MDGA2: variants seen among roughly 807,000 people sequenced by gnomAD.
MDGA2 encodes the protein MAM domain containing glycosylphosphatidylinositol anchor 2.
MDGA2 carries 40 observed loss-of-function variants against 117.8 expected under a neutral mutation model. That is an observed-to-expected ratio of 0.34 (90% CI 0.26 to 0.44). MDGA2 has a LOEUF of 0.44. Ranked by LOEUF, MDGA2 falls within the 20% of genes least tolerant of loss-of-function variation. MDGA2 has a pLI of 1.00. For missense variants in MDGA2, 1,123 were observed against 1,250.6 expected (o/e 0.90, Z 1.54); for synonymous variants, 452 against 439.0 (o/e 1.03, Z -0.37).
chr14:47,228,110 C>T (rs972218300), intron 2 of MDGA2, among the ~76,000 whole-genome samples: 3 of 151,990 alleles, frequency 2.0e-5, no homozygotes, highest in Non-Finnish European at 4.4e-5. Context: ...TTACAGTCCA[C>T]CTTGATGAAA....
In MDGA2 at chr14:47,301,480, C is replaced by G; in HGVS notation, c.351G>C (p.Arg117Ser). The G allele has an allele frequency of 6.4e-7, 1 of 1,551,710 alleles. No homozygotes were observed. The highest frequency in any genetic ancestry group is 8.7e-7 in the Non-Finnish European group (1 of 1,146,992). The change falls in exon 2 of 17, where the codon AGG (arginine) becomes AGC (serine). Residue 117 changes from arginine to serine, a missense_variant. Physicochemically the swap from Arg to Ser is moderately radical, Grantham distance 110 (BLOSUM62 -1). Coordinates refer to ENST00000399232, the MANE Select transcript of MDGA2 (RefSeq NM_001113498.3). ...CNIEEERYSERVYTIREGETL... is the reference protein window; with the variant it reads ...CNIEEERYSESVYTIREGETL... Reference sequence around the variant, plus strand: ...TTTCTCCTTCCCGGATAGTGTAGACCCTTTCGGAGTAGCGCTCCTCTTCAA... The same window carrying G: ...TTTCTCCTTCCCGGATAGTGTAGACGCTTTCGGAGTAGCGCTCCTCTTCAA...
chr14:46,871,488 A>C (rs548824166), intron 14 of MDGA2: 1 of 152,166 alleles, frequency 6.6e-6, no homozygotes, highest in East Asian at 1.9e-4. Context: ...CAGGATAATG[A>C]TTTTAATAAG....
chr14:47,671,713 T>G (rs1317133745), intron 1 of MDGA2, among the ~76,000 whole-genome samples: 4 of 152,220 alleles, frequency 2.6e-5, no homozygotes. Context: ...GAAGTTTCTG[T>G]TTATAATAAC....
At chr14:47,400,275 C>G (rs2138458315) in intron 1 of MDGA2, among the ~76,000 whole-genome samples, 1 of 152,230 alleles carries the variant, frequency 6.6e-6, no homozygotes, top group South Asian at 2.1e-4. Context: ...TTTGAATTCT[C>G]TCTCAAACTC....
chr14:47,370,975 A>C (rs1055728015), intron 1 of MDGA2, among the ~76,000 whole-genome samples: 12 of 151,868 alleles, frequency 7.9e-5, no homozygotes, highest in Non-Finnish European at 1.8e-4. Flanking sequence ...TTCTACACCT[A>C]GTTGATAGCA....
chr14:47,123,359 G>A (rs2139113629), intron 5 of MDGA2, among the ~76,000 whole-genome samples: 1 of 152,038 alleles, frequency 6.6e-6, no homozygotes, highest in East Asian at 1.9e-4. Flanking sequence ...TTATTGCTCT[G>A]GATACTGCCT....
intron 2 of MDGA2, among the ~76,000 whole-genome samples, chr14:47,233,983 T>A (rs1313488300): frequency 6.6e-6 from 1 of 152,160 alleles, no homozygotes; most frequent in Non-Finnish European, 1.5e-5. Flanking sequence ...CCTCCTGAAC[T>A]ATTGAGGGTA....
chr14:47,303,255 A>G (rs1266892683), intron 1 of MDGA2, among the ~76,000 whole-genome samples: 1 of 152,144 alleles, frequency 6.6e-6, no homozygotes, highest in Non-Finnish European at 1.5e-5. Context: ...AAAATACTCC[A>G]AGGAATAAAA....
At chr14:46,858,315 ACTT>A (rs1881355975) in intron 14 of MDGA2, among the ~76,000 whole-genome samples, 1 of 150,956 alleles carries the variant, frequency 6.6e-6, no homozygotes, top group Non-Finnish European at 1.5e-5. Context: ...TCTCTGCTGA[ACTT>A]CTTTATCCAT....
rs751098145 is a variant in MDGA2, at chr14:47,510,282, C to A, written c.280+164235G>T. Among the ~76,000 whole-genome samples, 41 of 152,158 alleles carry A rather than the reference C, an allele frequency of 2.7e-4. 1 individual carries two copies. The highest frequency in any genetic ancestry group is 5.3e-4 in the Non-Finnish European group (36 of 68,034). ...ACCATATTAAAACCTTGATTTCAAG[C>A]CTGCAGCCTCCGGAACTGTGAGAAA... is the stretch of plus-strand genomic sequence containing the variant. On this transcript the variant is annotated intron_variant, in intron 1 of 16. Transcript: ENST00000399232.
At chr14:47,407,446 T>C (rs1157780660) in intron 1 of MDGA2, among the ~76,000 whole-genome samples, 2 of 152,200 alleles carry the variant, frequency 1.3e-5, no homozygotes, top group African/African-American at 4.8e-5. Flanking sequence ...TGCTTATTCA[T>C]ATATTTTGCC....
intron 1 of MDGA2, among the ~76,000 whole-genome samples, chr14:47,411,964 G>A (rs1428120747): frequency 1.3e-5 from 2 of 152,308 alleles, no homozygotes; most frequent in African/African-American, 4.8e-5. Flanking sequence ...TAGGAGTACT[G>A]CTGTCTTGCA....
chr14:46,849,060 T>C (rs1027402151), intron 15 of MDGA2, among the ~76,000 whole-genome samples: 1 of 152,044 alleles, frequency 6.6e-6, no homozygotes, highest in Non-Finnish European at 1.5e-5. Flanking sequence ...TCTTTAAGCA[T>C]AGCAGGAATT....
At chr14:47,318,659 C>A (rs913418002) in intron 1 of MDGA2, among the ~76,000 whole-genome samples, 1 of 151,934 alleles carries the variant, frequency 6.6e-6, no homozygotes, top group African/African-American at 2.4e-5. Context: ...TCCCAAGGAC[C>A]AAGCAATGTG....
At chr14:47,611,282 C>G (rs1405772955) in intron 1 of MDGA2, among the ~76,000 whole-genome samples, 2 of 152,086 alleles carry the variant, frequency 1.3e-5, no homozygotes, top group African/African-American at 4.8e-5. Flanking sequence ...AAAAACCCTT[C>G]TAAACATTGG....
chr14:46,921,103 T>C (rs138835333), intron 9 of MDGA2, among the ~76,000 whole-genome samples: 21 of 152,258 alleles, frequency 1.4e-4, no homozygotes, highest in Admixed American at 2.6e-4. Context: ...TATTTAATAA[T>C]ACAACAATAT....
chr14:47,180,359 T>C (rs539169591), intron 3 of MDGA2, among the ~76,000 whole-genome samples: 2 of 152,202 alleles, frequency 1.3e-5, no homozygotes, highest in South Asian at 4.1e-4. Context: ...GGGATTTCAT[T>C]AAACTAAGGA....
intron 1 of MDGA2, among the ~76,000 whole-genome samples, chr14:47,505,688 T>C (rs1046432552): frequency 1.3e-5 from 2 of 152,174 alleles, no homozygotes; most frequent in African/African-American, 2.4e-5. Context: ...AATTTCAACT[T>C]ACACTGCCAT....
At chr14:47,128,017 A>C (rs1468191271) in intron 5 of MDGA2, among the ~76,000 whole-genome samples, 1 of 152,162 alleles carries the variant, frequency 6.6e-6, no homozygotes, top group Non-Finnish European at 1.5e-5. Context: ...ATAACTCTTC[A>C]AACACTGGAG....
Sources: gnomAD v4.1 joint callset for allele counts (sites outside exome capture counted in the v4.1 genomes callset) on GRCh38, gnomAD v4.1.1 for gene constraint, MANE v1.5 for transcripts, NCBI Gene and HGNC (gene_info 2026-07-23, HGNC 2026-07-21) for gene names.